Variants in CACHD1 observed in about 807,000 individuals in gnomAD.
The protein encoded by CACHD1 is cache domain containing 1, also known as VWFA and cache domain-containing protein 1.
Under a neutral mutation model 138.7 loss-of-function variants are expected in CACHD1, and 71 were observed. The ratio of observed to expected loss-of-function variants is 0.51; its 90% confidence interval spans 0.42 to 0.62. The LOEUF (loss-of-function observed/expected upper bound fraction) is 0.62, where lower values mean the gene tolerates loss of function less well. Ranked by LOEUF, CACHD1 falls within the 20% of genes least tolerant of loss-of-function variation. The probability of loss-of-function intolerance (pLI) is 0.00; values close to 1 mark genes in which losing one functional copy is unlikely to be tolerated. For missense variants in CACHD1, 1,389 were observed against 1,625.3 expected (o/e 0.85, Z 2.50); for synonymous variants, 578 against 591.5 (o/e 0.98, Z 0.33).
chr1:64,638,800 T>A (rs1648607081), intron 7 of CACHD1, among the ~76,000 whole-genome samples: 1 of 152,024 alleles, frequency 6.6e-6, no homozygotes, highest in Non-Finnish European at 1.5e-5. Flanking sequence ...CTAAAATTGC[T>A]CTAAGTGGGT....
chr1:64,688,139 T>G (rs894964652), intron 26 of CACHD1, among the ~76,000 whole-genome samples: 2 of 151,942 alleles, frequency 1.3e-5, no homozygotes, highest in African/African-American at 4.8e-5. Context: ...ACCATGAATC[T>G]AACACCTCGA....
At chr1:64,686,193 C>T (rs1418190446) in intron 26 of CACHD1, among the ~76,000 whole-genome samples, 1 of 152,122 alleles carries the variant, frequency 6.6e-6, no homozygotes, top group Non-Finnish European at 1.5e-5. Context: ...CCCTGATAAG[C>T]GTATTTCCAT....
chr1:64,552,434 A>G (rs1192802728), intron 2 of CACHD1, among the ~76,000 whole-genome samples: 1 of 151,686 alleles, frequency 6.6e-6, no homozygotes, highest in East Asian at 1.9e-4. Flanking sequence ...AATAAATATG[A>G]CAGAAAGTTT....
intron 1 of CACHD1, among the ~76,000 whole-genome samples, chr1:64,499,147 G>A (rs1377243118): frequency 6.6e-6 from 1 of 152,144 alleles, no homozygotes; most frequent in African/African-American, 2.4e-5. Flanking sequence ...TGGACACGGT[G>A]TTTTACCAGC....
rs574444962 is a variant in CACHD1 at position 64,610,318 on chromosome 1, C to A, written c.517+7406C>A. 3.3e-5 allele frequency among the ~76,000 whole-genome samples: 5 copies of A among 152,296 alleles called. No individual in the cohort carries two copies. The South Asian group carries it at 1.0e-3, about 32-fold the overall frequency. ...TTCTAAGAGTCCCCCAAAGTCTTAACTCATTCCAGGATTAACTCAAAAGTC... is the reference window on the plus strand; with the variant it reads ...TTCTAAGAGTCCCCCAAAGTCTTAAATCATTCCAGGATTAACTCAAAAGTC... On this transcript the variant is annotated intron_variant, in intron 4 of 26. Transcript: ENST00000651257.
intron 8 of CACHD1, among the ~76,000 whole-genome samples, chr1:64,642,944 C>T (rs537507117): frequency 7.1e-6 from 1 of 140,686 alleles, no homozygotes; most frequent in South Asian, 2.4e-4. Flanking sequence ...GAGGTTGAGG[C>T]AGGAGAATCG....
chr1:64,678,210 A>G lies in CACHD1; in HGVS notation c.3144A>G (p.Gly1048=). The G allele has an allele frequency of 6.2e-7, 1 of 1,612,424 alleles. No homozygotes were observed. Among genetic ancestry groups the G allele is most frequent in the Non-Finnish European group, 8.5e-7 (1 of 1,179,382 alleles). Residue 1048 remains glycine, a synonymous_variant, in exon 23 of 27, where the codon GGA becomes GGG. Transcript: ENST00000651257. The stretch of plus-strand genomic sequence containing the variant: ...AATGGTGCATGGTGGACAGTGATGG[A>G]AAGACTCACCTGGACAAACCCTACT... ...DCEWCMVDSD[G]KTHLDKPYCA...
intron 13 of CACHD1, 109 bp from the exon 14 acceptor site, chr1:64,663,586 A>G: frequency 7.8e-7 from 1 of 1,283,992 alleles, no homozygotes; most frequent in Non-Finnish European, 1.1e-6. Flanking sequence ...AAAAAAAAAG[A>G]CATTAAGCCA....
intron 1 of CACHD1, among the ~76,000 whole-genome samples, chr1:64,501,942 G>A (rs1483879638): frequency 6.6e-6 from 1 of 152,234 alleles, no homozygotes; most frequent in Non-Finnish European, 1.5e-5. Flanking sequence ...GAACTCAGGT[G>A]TCATTACTGA....
intron 1 of CACHD1, among the ~76,000 whole-genome samples, chr1:64,530,774 G>A (rs570924234): frequency 6.6e-6 from 1 of 151,770 alleles, no homozygotes; most frequent in Non-Finnish European, 1.5e-5. Flanking sequence ...GGGAGGCTGA[G>A]GCAGGAGAAT....
At position 64,653,938 on chromosome 1, in the gene CACHD1, A is replaced by T. The variant is rs12074178; in HGVS notation, c.1664+57A>T. On this transcript the variant is annotated intron_variant, in intron 11 of 26. Coordinates refer to ENST00000651257, the MANE Select transcript of CACHD1 (RefSeq NM_020925.4). ...TTTCCCTGAGAATGGGACCCATCAA[A>T]GCCACATACGAGTATTTACTACAGA... 250 of 1,484,538 alleles carry T rather than the reference A, an allele frequency of 1.7e-4. 2 individuals carry two copies. The African/African-American group carries it at 2.9e-3, about 17-fold the overall frequency. The allele number at this position is 1,484,538 out of a possible 1,614,324, so 92.0% of individuals were successfully genotyped here.
At chr1:64,510,147 C>CAGCT (rs1207817534) in intron 1 of CACHD1, among the ~76,000 whole-genome samples, 1 of 152,142 alleles carries the variant, frequency 6.6e-6, no homozygotes, top group Non-Finnish European at 1.5e-5. Context: ...GGTACGTGAC[C>CAGCT]AGCTGCGTGA....
chr1:64,682,936 A>T (rs2100741334), intron 26 of CACHD1, among the ~76,000 whole-genome samples: 1 of 152,190 alleles, frequency 6.6e-6, no homozygotes, highest in Admixed American at 6.5e-5. Flanking sequence ...AATTTTCCAG[A>T]AATCTGTATT....
rs529496961 is a variant in CACHD1 at position 64,517,188 on chromosome 1, A to G, written c.199-33406A>G. ...AATATTATTCATTACATTTGATCCTAGCCAAAAGGCCAAGAAGTGATCTGC... is the reference window on the plus strand; with the variant it reads ...AATATTATTCATTACATTTGATCCTGGCCAAAAGGCCAAGAAGTGATCTGC... On this transcript the variant is annotated intron_variant, in intron 1 of 26. Transcript: ENST00000651257. Among the ~76,000 whole-genome samples the G allele has an allele frequency of 1.2e-3, 180 of 152,336 alleles. 7 individuals are homozygous for G. Among genetic ancestry groups the G allele is most frequent in the African/African-American group, 3.9e-3 (162 of 41,586 alleles).
intron 2 of CACHD1, among the ~76,000 whole-genome samples, chr1:64,564,833 T>C (rs1325141283): frequency 6.6e-6 from 1 of 152,158 alleles, no homozygotes; most frequent in East Asian, 1.9e-4. Context: ...TGTATTACTT[T>C]TGTATTTCTA....
chr1:64,500,974 A>G (rs930719084), intron 1 of CACHD1, among the ~76,000 whole-genome samples: 2 of 151,552 alleles, frequency 1.3e-5, no homozygotes, highest in Non-Finnish European at 2.9e-5. Flanking sequence ...GCTTGAATCC[A>G]TGAGGCAGAG....
At chr1:64,542,293 C>T (rs1185497693) in intron 1 of CACHD1, among the ~76,000 whole-genome samples, 1 of 152,066 alleles carries the variant, frequency 6.6e-6, no homozygotes, top group Admixed American at 6.5e-5. Flanking sequence ...TGCACAAGGT[C>T]GTCTATTGTG....
chr1:64,670,686 TCA>T (rs1649783579), intron 16 of CACHD1, among the ~76,000 whole-genome samples: 1 of 152,234 alleles, frequency 6.6e-6, no homozygotes, highest in South Asian at 2.1e-4. Context: ...GGGCTCAACT[TCA>T]CTGTTTAGTT....
At chr1:64,521,445 T>C (rs1460799465) in intron 1 of CACHD1, among the ~76,000 whole-genome samples, 1 of 152,280 alleles carries the variant, frequency 6.6e-6, no homozygotes, top group Non-Finnish European at 1.5e-5. Context: ...TGAAAGTTGC[T>C]GTGCCATGTA....
Sources: gnomAD v4.1 joint callset for allele counts (sites outside exome capture counted in the v4.1 genomes callset) on GRCh38, gnomAD v4.1.1 for gene constraint, MANE v1.5 for transcripts, NCBI Gene and HGNC (gene_info 2026-07-23, HGNC 2026-07-21) for gene names.